EXTL2: variants seen among roughly 807,000 people sequenced by gnomAD.
EXTL2 encodes exostosin like glycosyltransferase 2.
EXTL2 carries 23 observed loss-of-function variants against 30.7 expected under a neutral mutation model. The ratio of observed to expected loss-of-function variants is 0.75; its 90% CI spans 0.54 to 1.06. The LOEUF is 1.06. Among genes scored for constraint, EXTL2 ranks in the 50% least tolerant of loss-of-function variants. EXTL2 has a pLI of 0.00. For missense variants in EXTL2, 352 were observed against 396.3 expected, an observed-to-expected ratio of 0.89 and a Z score of 0.95; for synonymous variants, 123 against 133.8, an observed-to-expected ratio of 0.92 and a Z score of 0.56.
chr1:100,883,208 T>C (rs1649704125), intron 2 of EXTL2, among the ~76,000 whole-genome samples: 1 of 152,246 alleles, frequency 6.6e-6, no homozygotes. Flanking sequence ...TTGGAGTTTT[T>C]TAGTATCTTT....
chr1:100,880,064 G>T (rs981704687), intron 2 of EXTL2, among the ~76,000 whole-genome samples: 1 of 152,124 alleles, frequency 6.6e-6, no homozygotes, highest in African/African-American at 2.4e-5. Flanking sequence ...CTGTAAGCTT[G>T]TTTCATGTTG....
At chr1:100,876,747 G>T (rs1325209773) in intron 4 of EXTL2, 47 bp downstream of exon 4, 5 of 1,360,894 alleles carry the variant, frequency 3.7e-6, no homozygotes, top group African/African-American at 2.9e-5. Flanking sequence ...TTAAGTACTA[G>T]TCAAGATCTT....
chr1:100,887,804 T>G (rs1650085836), intron 2 of EXTL2, among the ~76,000 whole-genome samples: 1 of 152,068 alleles, frequency 6.6e-6, no homozygotes, highest in Non-Finnish European at 1.5e-5. Flanking sequence ...CCCCGGGTCA[T>G]TCTCCTGCCT....
At chr1:100,892,978 C>T (rs1482553800) in intron 1 of EXTL2, among the ~76,000 whole-genome samples, 1 of 152,150 alleles carries the variant, frequency 6.6e-6, no homozygotes, top group African/African-American at 2.4e-5. Context: ...GGAGCTGAAA[C>T]CATGACTGAA....
chr1:100,894,977 T>C (rs920886063), upstream of EXTL2: 1 of 152,244 alleles, frequency 6.6e-6, no homozygotes, highest in African/African-American at 2.4e-5. Context: ...GGTAACAACT[T>C]TTAAACATTC....
intron 4 of EXTL2, 132 bp from the exon 5 acceptor site, chr1:100,874,562 CAGTTTTATCT>C: frequency 3.9e-6 from 3 of 772,472 alleles, no homozygotes; most frequent in Non-Finnish European, 6.3e-6. Flanking sequence ...TTCTACATTT[CAGTTTTATCT>C]AGCTCCAGGT....
rs1649228467 is a variant in EXTL2, at chr1:100,877,622, A to G, written c.287T>C (p.Ile96Thr). 6.2e-7 allele frequency: 1 copy of G among 1,613,648 alleles called. No homozygotes were observed. The highest frequency in any genetic ancestry group is 8.5e-7 in the Non-Finnish European group (1 of 1,179,686). Residue 96 changes from isoleucine to threonine, a missense_variant, in exon 3 of 5, where the codon ATT (isoleucine) becomes ACT (threonine). Physicochemically the swap from Ile to Thr is moderately conservative, Grantham distance 89. Transcript: ENST00000370114. This position sits in a 1 kb window ranked among gnomAD's most constrained non-coding sequence, Gnocchi z 4.1. Reference sequence around the variant, plus strand: ...CTCTCCAATATTGTTCCATACCACAATCACTTTGTGCAGATTTGGTACAGC... The same window carrying G: ...CTCTCCAATATTGTTCCATACCACAGTCACTTTGTGCAGATTTGGTACAGC... Reference protein sequence around the residue: ...YQAVPNLHKVIVVWNNIGEKA... With the variant: ...YQAVPNLHKVTVVWNNIGEKA...
chr1:100,891,592 G>A (rs779381628), intron 1 of EXTL2, among the ~76,000 whole-genome samples: 7 of 152,260 alleles, frequency 4.6e-5, no homozygotes, highest in South Asian at 2.1e-4. Context: ...CTCAGCTCCA[G>A]GGTGGGGGCC....
intron 2 of EXTL2, among the ~76,000 whole-genome samples, chr1:100,882,137 C>T (rs1160333599): frequency 6.6e-6 from 1 of 152,220 alleles, no homozygotes; most frequent in African/African-American, 2.4e-5. Context: ...TTCCACAAAA[C>T]AGGTCCCTGG....
intron 4 of EXTL2, 133 bp from the exon 5 acceptor site, chr1:100,874,563 AGTTTT>A (rs1648953518): frequency 1.3e-6 from 1 of 753,974 alleles, no homozygotes; most frequent in Admixed American, 2.6e-5. Flanking sequence ...TCTACATTTC[AGTTTT>A]ATCTAGCTCC....
At chr1:100,881,072 G>A in intron 2 of EXTL2, 1 of 975,932 alleles carries the variant, frequency 1.0e-6, no homozygotes, top group Non-Finnish European at 1.2e-6. Flanking sequence ...AAGGTTTCAG[G>A]AGATATGAAT....
At chr1:100,881,700 C>T (rs1361953079) in intron 2 of EXTL2, among the ~76,000 whole-genome samples, 2 of 152,320 alleles carry the variant, frequency 1.3e-5, no homozygotes, top group African/African-American at 4.8e-5. Flanking sequence ...AATCCTTCCT[C>T]TTCTCCTCAT....
chr1:100,888,624 C>T (rs189322044), intron 2 of EXTL2, 129 bp downstream of exon 2: 28 of 430,282 alleles, frequency 6.5e-5, no homozygotes, highest in Middle Eastern at 6.1e-4. Context: ...TTCCAGAGAT[C>T]GGCCGCACAA....
chr1:100,880,853 A>G (rs1645666854), intron 2 of EXTL2: 2 of 526,552 alleles, frequency 3.8e-6, no homozygotes, highest in African/African-American at 2.1e-5. Context: ...TGATCTCTAG[A>G]CACTAATAAC....
At position 100,885,099 on chromosome 1, in the gene EXTL2, G is replaced by A. The variant is rs144002154; in HGVS notation, c.5+3654C>T. 6.5e-3 allele frequency among the ~76,000 whole-genome samples: 990 copies of A among 152,326 alleles called. 17 individuals are homozygous for A. Among genetic ancestry groups the A allele is most frequent in the African/African-American group, 0.021 (861 of 41,566 alleles). ...AGAAGAGCTGGGTCATCACCCATCTGGTGACTAGAAGAGCATGTCATGAAA... is the reference window on the plus strand; with the variant it reads ...AGAAGAGCTGGGTCATCACCCATCTAGTGACTAGAAGAGCATGTCATGAAA... On this transcript the variant is annotated intron_variant, in intron 2 of 4. Coordinates refer to ENST00000370114, the MANE Select transcript of EXTL2 (RefSeq NM_001033025.3).
At position 100,873,889 on chromosome 1, in the gene EXTL2, G is replaced by A; in HGVS notation, c.*53C>T. 2 of 1,503,472 alleles carry A rather than the reference G, an allele frequency of 1.3e-6. No individual in the cohort carries two copies. The highest frequency in any genetic ancestry group is 2.8e-5 in the South Asian group (2 of 71,778). The allele number at this position is 1,503,472 out of a possible 1,614,324, so 93.1% of individuals were successfully genotyped here. ...TGCTTAAAAAAATACATAGCATGGAGAAGCTACTCAAATGCCAAGCAGTTT... is the reference window on the plus strand; with the variant it reads ...TGCTTAAAAAAATACATAGCATGGAAAAGCTACTCAAATGCCAAGCAGTTT... On this transcript the variant is annotated 3_prime_UTR_variant, in exon 5 of 5. Transcript: ENST00000370114.
chr1:100,885,246 C>T (rs559963500), intron 2 of EXTL2, among the ~76,000 whole-genome samples: 2 of 152,242 alleles, frequency 1.3e-5, no homozygotes, highest in African/African-American at 4.8e-5. Flanking sequence ...CAAAGATATT[C>T]TGCATTAAAA....
Position 100,888,750 on chromosome 1 carries a change from T to C in EXTL2, c.5+3A>G. On this transcript the variant is annotated splice_donor_region_variant and intron_variant, in intron 2 of 4. Coordinates refer to ENST00000370114, the MANE Select transcript of EXTL2 (RefSeq NM_001033025.3). ...ACAAAAGCCAAAAAATATTGGTACT[T>C]ACCTCATTGTGTTGAAGTTTAATTT... The C allele has an allele frequency of 6.5e-7, 1 of 1,536,704 alleles. No homozygotes were observed. The highest frequency in any genetic ancestry group is 8.9e-7 in the Non-Finnish European group (1 of 1,120,282).
rs1402294995 is a variant in EXTL2 at position 100,877,006 on chromosome 1, T to G, written c.434-142A>C. 1.7e-6 allele frequency: 1 copy of G among 577,470 alleles called. No homozygotes were observed. Among genetic ancestry groups the G allele is most frequent in the African/African-American group, 1.9e-5 (1 of 53,268 alleles). The allele number at this position is 577,470 out of a possible 1,614,324, so 35.8% of individuals were successfully genotyped here. On this transcript the variant is annotated intron_variant, in intron 3 of 4. Transcript: ENST00000370114. This position sits in a 1 kb window ranked among gnomAD's most constrained non-coding sequence, Gnocchi z 4.1. ...AATAAGCAATGTATTCTTGGGGAGA[T>G]TTGTCCAGTAGAAAATAATTTTTTT... is the stretch of plus-strand genomic sequence containing the variant.
Sources: gnomAD v4.1 joint callset for allele counts (sites outside exome capture counted in the v4.1 genomes callset) on GRCh38, gnomAD v4.1.1 for gene constraint, Gnocchi (gnomAD v3.1) non-coding constraint, MANE v1.5 for transcripts, NCBI Gene and HGNC (gene_info 2026-07-23, HGNC 2026-07-21) for gene names.